The following SNRPB2 variants were observed in gnomAD, a reference collection of about 807,000 sequenced individuals.
SNRPB2 encodes U2 small nuclear ribonucleoprotein B''.
In SNRPB2, 16 loss-of-function variants were observed where a neutral mutation model predicts 26.3. That is an observed-to-expected ratio of 0.61 (90% CI 0.41 to 0.92). The LOEUF (loss-of-function observed/expected upper bound fraction) is 0.92. Among genes scored for constraint, SNRPB2 ranks in the 40% least tolerant of loss-of-function variants. SNRPB2 has a pLI of 0.00. For missense variants in SNRPB2, 179 were observed against 268.1 expected, an observed-to-expected ratio of 0.67 and a Z score of 2.32; for synonymous variants, 75 against 89.0, an observed-to-expected ratio of 0.84 and a Z score of 0.88.
chr20:16,733,611 C>T (rs947875561), intron 3 of SNRPB2, among the ~76,000 whole-genome samples: 2 of 152,216 alleles, frequency 1.3e-5, no homozygotes, highest in Non-Finnish European at 2.9e-5. Context: ...ATATGTTACA[C>T]TTTGCAAGCC....
chr20:16,731,681 T>C lies in SNRPB2; in HGVS notation c.-22T>C. 6.2e-7 allele frequency: 1 copy of C among 1,611,192 alleles called. No homozygotes were observed. Among genetic ancestry groups the C allele is most frequent in the East Asian group, 2.2e-5 (1 of 44,730 alleles). ...TTTTTATAACAGATTTTTTACTGTCTCCTGAAGAATTTAACACAAACATGG... is the reference window on the plus strand; with the variant it reads ...TTTTTATAACAGATTTTTTACTGTCCCCTGAAGAATTTAACACAAACATGG... On this transcript the variant is annotated 5_prime_UTR_variant, in exon 2 of 7. Coordinates refer to ENST00000246071, the MANE Select transcript of SNRPB2 (RefSeq NM_003092.5).
At chr20:16,732,699 A>G (rs2072400601) in intron 3 of SNRPB2, among the ~76,000 whole-genome samples, 2 of 152,232 alleles carry the variant, frequency 1.3e-5, no homozygotes, top group South Asian at 4.1e-4. Flanking sequence ...TTCAGTCTGA[A>G]GTTTTAGAAT....
At chr20:16,730,573 C>T (rs2122495347) in intron 1 of SNRPB2, 1 of 152,352 alleles carries the variant, frequency 6.6e-6, no homozygotes, top group African/African-American at 2.4e-5. Context: ...CCTGCCCCTT[C>T]TCCAGATTTC....
At chr20:16,731,800 A>G (rs374485489) in intron 2 of SNRPB2, 34 bp downstream of exon 2, 2 of 1,609,732 alleles carry the variant, frequency 1.2e-6, no homozygotes, top group African/African-American at 1.3e-5. Flanking sequence ...TTCACTACTA[A>G]AATGTGTTTA....
intron 3 of SNRPB2, among the ~76,000 whole-genome samples, chr20:16,735,875 C>A (rs2072422892): frequency 6.6e-6 from 1 of 152,204 alleles, no homozygotes; most frequent in Admixed American, 6.5e-5. Context: ...AAGTCATTCC[C>A]AGTCTTCTGT....
chr20:16,731,679 T>A lies in SNRPB2; in HGVS notation c.-24T>A, dbSNP rs1182022253. 6.2e-7 allele frequency: 1 copy of A among 1,610,684 alleles called. No individual in the cohort carries two copies. The highest frequency in any genetic ancestry group is 2.2e-5 in the East Asian group (1 of 44,724). On this transcript the variant is annotated 5_prime_UTR_variant, in exon 2 of 7. Coordinates refer to ENST00000246071, the MANE Select transcript of SNRPB2 (RefSeq NM_003092.5). ...CCTTTTTATAACAGATTTTTTACTG[T>A]CTCCTGAAGAATTTAACACAAACAT...
rs933028533 is a variant in SNRPB2, at chr20:16,741,252, A to G, written c.*247A>G. 1.7e-5 allele frequency: 5 copies of G among 299,752 alleles called. No homozygotes were observed. The East Asian group carries it at 2.8e-4, about 17-fold the overall frequency. The allele number at this position is 299,752 out of a possible 1,614,324, so 18.6% of individuals were successfully genotyped here. ...GCTTTCTTGATTGACCCATCTCCCT[A>G]TCATCAAATGACTTCTAGTCTAGAA... On this transcript the variant is annotated 3_prime_UTR_variant, in exon 7 of 7. Transcript: ENST00000246071.
intron 3 of SNRPB2, among the ~76,000 whole-genome samples, chr20:16,736,431 G>A (rs375151000): frequency 6.6e-6 from 1 of 151,970 alleles, no homozygotes. Context: ...CATCCAAAAA[G>A]TTACGATGCA....
Position 16,732,318 on chromosome 20 carries a change from A to G in SNRPB2, c.219A>G (p.Pro73=). 1 of 1,572,726 alleles carries G rather than the reference A, an allele frequency of 6.4e-7. No individual in the cohort carries two copies. Among genetic ancestry groups the G allele is most frequent in the Non-Finnish European group, 8.6e-7 (1 of 1,162,028 alleles). ...CCTTGAGACAGCTACAAGGATTTCCATTTTATGGTAAACCAATGGTAAGCC... is the reference window on the plus strand; with the variant it reads ...CCTTGAGACAGCTACAAGGATTTCCGTTTTATGGTAAACCAATGGTAAGCC... ...TNALRQLQGF[P]FYGKPMRIQY... Residue 73 remains proline, a synonymous_variant, in exon 3 of 7, where the codon CCA becomes CCG. Transcript: ENST00000246071.
Position 16,732,268 on chromosome 20 carries a change from A to G in SNRPB2, c.169A>G (p.Lys57Glu), listed in dbSNP as rs767798003. 6.2e-7 allele frequency: 1 copy of G among 1,606,272 alleles called. No individual in the cohort carries two copies. The highest frequency in any genetic ancestry group is 8.5e-7 in the Non-Finnish European group (1 of 1,174,922). The stretch of plus-strand genomic sequence containing the variant: ...GAGGGGGCAGGCCTTTGTCATATTT[A>G]AGGAACTGGGCTCATCCACAAATGC... ...KMRGQAFVIF[K>E]ELGSSTNALR... Residue 57 changes from lysine to glutamate, a missense_variant, in exon 3 of 7, where the codon AAG (lysine) becomes GAG (glutamate). Physicochemically the swap from Lys to Glu is moderately conservative, Grantham distance 56. This residue lies in a region of SNRPB2 where 145 missense variants were observed against 180.7 expected (regional missense o/e 0.80). Transcript: ENST00000246071.
At chr20:16,740,821 C>T (rs1472699446) in intron 6 of SNRPB2, 25 bp from the exon 7 acceptor site, 1 of 1,565,774 alleles carries the variant, frequency 6.4e-7, no homozygotes, top group Non-Finnish European at 8.8e-7. Context: ...TTGCTGTATA[C>T]ATGAATTGTT....
At chr20:16,740,509 T>G in intron 6 of SNRPB2, 96 bp downstream of exon 6, 1 of 1,522,346 alleles carries the variant, frequency 6.6e-7, no homozygotes, top group Non-Finnish European at 8.8e-7. Flanking sequence ...CAGCAGTAAT[T>G]CCTTACAGGT....
chr20:16,730,910 G>A (rs2072385523), intron 1 of SNRPB2: 2 of 148,510 alleles, frequency 1.3e-5, no homozygotes, highest in Admixed American at 1.4e-4. Flanking sequence ...CCTGGTAATA[G>A]CTGTTAATAA....
At chr20:16,735,540 A>G (rs2072419803) in intron 3 of SNRPB2, among the ~76,000 whole-genome samples, 1 of 152,248 alleles carries the variant, frequency 6.6e-6, no homozygotes, top group South Asian at 2.1e-4. Context: ...TGTGGTCCCC[A>G]TGCCAATAAC....
At position 16,741,013 on chromosome 20, in the gene SNRPB2, G is replaced by A; in HGVS notation, c.*8G>A. 3 of 1,590,172 alleles carry A rather than the reference G, an allele frequency of 1.9e-6. No homozygotes were observed. Among genetic ancestry groups the A allele is most frequent in the Non-Finnish European group, 2.6e-6 (3 of 1,162,752 alleles). On this transcript the variant is annotated 3_prime_UTR_variant, in exon 7 of 7. Transcript: ENST00000246071. ...ACCTATGCCAAGAAATAACATTTGG[G>A]ATAGTCGTCTTTAAAAGACTTGGTG...
chr20:16,738,264 T>C (rs1382688093), intron 4 of SNRPB2, among the ~76,000 whole-genome samples: 1 of 151,098 alleles, frequency 6.6e-6, no homozygotes, highest in African/African-American at 2.4e-5. Flanking sequence ...AACATGGTGA[T>C]ACCCCGTCTC....
chr20:16,733,364 C>T (rs2072405323), intron 3 of SNRPB2, among the ~76,000 whole-genome samples: 1 of 152,204 alleles, frequency 6.6e-6, no homozygotes, highest in Non-Finnish European at 1.5e-5. Context: ...TCATGTAGGC[C>T]ATGCTAATGC....
intron 4 of SNRPB2, among the ~76,000 whole-genome samples, 179 bp downstream of exon 4, chr20:16,737,580 A>G (rs1224887691): frequency 6.6e-6 from 1 of 152,234 alleles, no homozygotes; most frequent in Non-Finnish European, 1.5e-5. Context: ...GAAACAAAAT[A>G]TAAACCTTAA....
intron 5 of SNRPB2, among the ~76,000 whole-genome samples, chr20:16,739,488 G>C (rs1311874975): frequency 6.6e-6 from 1 of 151,782 alleles, no homozygotes; most frequent in Non-Finnish European, 1.5e-5. Context: ...TTTTCCAGAT[G>C]GCGGGGTCTG....
Sources: allele counts gnomAD v4.1 joint callset (sites outside exome capture counted in the v4.1 genomes callset), GRCh38; gene constraint gnomAD v4.1.1; regional missense constraint gnomAD v4.1.1; transcripts MANE v1.5; gene names NCBI Gene and HGNC (gene_info 2026-07-23, HGNC 2026-07-21).